Variants in CCDC92 observed in about 807,000 individuals in gnomAD.
CCDC92 encodes the protein coiled-coil domain-containing protein 92.
A neutral mutation model predicts 24.9 loss-of-function variants in CCDC92; 12 were observed. The ratio of observed to expected loss-of-function variants is 0.48; its 90% CI spans 0.31 to 0.78. The LOEUF is 0.78. CCDC92 is among the 30% of genes least tolerant of loss of function. The probability of loss-of-function intolerance (pLI) is 0.05; values close to 1 mark genes in which losing one functional copy is unlikely to be tolerated. For synonymous variants in CCDC92, 193 were observed against 196.3 expected (o/e 0.98, Z 0.14); for missense variants, 399 against 439.4 (o/e 0.91, Z 0.82).
At chr12:123,969,349 GGATAT>G (rs1956466770) in intron 1 of CCDC92, among the ~76,000 whole-genome samples, 1 of 151,882 alleles carries the variant, frequency 6.6e-6, no homozygotes, top group Non-Finnish European at 1.5e-5. Flanking sequence ...TAATGTAGGT[GGATAT>G]GACTGGACTT....
intron 1 of CCDC92, among the ~76,000 whole-genome samples, chr12:123,969,559 C>A (rs1047372881): frequency 6.8e-5 from 10 of 146,304 alleles, no homozygotes; most frequent in Non-Finnish European, 5.9e-5. Context: ...ACCTCTGCCT[C>A]CTGGGTTCAA....
At chr12:123,951,150 A>G (rs2138035906) in intron 1 of CCDC92, among the ~76,000 whole-genome samples, 1 of 152,296 alleles carries the variant, frequency 6.6e-6, no homozygotes, top group East Asian at 1.9e-4. Context: ...CTCACGCATT[A>G]CATACGTGCT....
intron 4 of CCDC92, among the ~76,000 whole-genome samples, chr12:123,940,731 C>T (rs553538392): frequency 1.3e-5 from 2 of 152,336 alleles, no homozygotes; most frequent in South Asian, 4.1e-4. Flanking sequence ...CCTGCCCGAG[C>T]GTCAGGGCAC....
chr12:123,941,212 C>T (rs1955673772), intron 4 of CCDC92, among the ~76,000 whole-genome samples: 2 of 152,220 alleles, frequency 1.3e-5, no homozygotes, highest in Admixed American at 6.5e-5. Context: ...CTGGAGGTCC[C>T]TAGTGTCAGG....
chr12:123,967,218 G>A lies in CCDC92; in HGVS notation c.-60+5311C>T, dbSNP rs953577516. On this transcript the variant is annotated intron_variant, in intron 1 of 4. Coordinates refer to ENST00000238156, the MANE Select transcript of CCDC92 (RefSeq NM_025140.3). ...GCAAGTACCTTAATGCCAGAAAGCT[G>A]CTGCTCTATTCTACTAGAACGTTCT... is the stretch of plus-strand genomic sequence containing the variant. Among the ~76,000 whole-genome samples, 7 of 151,558 alleles carry A rather than the reference G, an allele frequency of 4.6e-5. No homozygotes were observed. The South Asian group carries it at 1.5e-3, about 32-fold the overall frequency.
At chr12:123,955,638 G>A (rs2138086731) in intron 1 of CCDC92, among the ~76,000 whole-genome samples, 1 of 152,220 alleles carries the variant, frequency 6.6e-6, no homozygotes. Flanking sequence ...AGTAATTGAA[G>A]CTCTATACAC....
intron 1 of CCDC92, among the ~76,000 whole-genome samples, chr12:123,948,458 C>G (rs1312538081): frequency 6.6e-6 from 1 of 152,224 alleles, no homozygotes; most frequent in Non-Finnish European, 1.5e-5. Context: ...GTCCTTAAAG[C>G]GTCCCATTAT....
At chr12:123,964,931 G>A (rs982967204) in intron 1 of CCDC92, among the ~76,000 whole-genome samples, 1 of 152,096 alleles carries the variant, frequency 6.6e-6, no homozygotes, top group Non-Finnish European at 1.5e-5. Flanking sequence ...TGTACCAGCA[G>A]AATAGTGAGG....
chr12:123,957,153 C>T (rs1956166719), intron 1 of CCDC92, among the ~76,000 whole-genome samples: 1 of 152,210 alleles, frequency 6.6e-6, no homozygotes, highest in Admixed American at 6.5e-5. Context: ...TACAAATAAG[C>T]ACCCGATGTA....
rs375441686 is a variant in CCDC92, at chr12:123,937,259, G to C, written c.795C>G (p.Ile265Met). Residue 265 changes from isoleucine (I) to methionine (M), a missense_variant, in exon 5 of 5, where the codon ATC (isoleucine) becomes ATG (methionine). Coordinates refer to ENST00000238156, the MANE Select transcript of CCDC92 (RefSeq NM_025140.3). The surrounding 1 kb of genome is among the most constrained non-coding windows in gnomAD (Gnocchi z 8.4). ...VHLIKERPLV[I>M]PPIASDRSGE... Reference sequence around the variant, plus strand: ...CGCTTCGGTCGGAGGCGATGGGGGGGATGACGAGGGGCCTCTCTTTGATGA... The same window carrying C: ...CGCTTCGGTCGGAGGCGATGGGGGGCATGACGAGGGGCCTCTCTTTGATGA... The C allele has an allele frequency of 1.2e-6, 2 of 1,611,660 alleles. No individual in the cohort carries two copies. Among genetic ancestry groups the C allele is most frequent in the Admixed American group, 1.7e-5 (1 of 60,024 alleles).
chr12:123,953,700 C>A (rs1246277209), intron 1 of CCDC92, among the ~76,000 whole-genome samples: 1 of 152,238 alleles, frequency 6.6e-6, no homozygotes, highest in Non-Finnish European at 1.5e-5. Flanking sequence ...CTTGCTTGAA[C>A]CTGAGAGGAG....
chr12:123,955,891 T>TAAAGAGACGTTATCCTTGTG (rs1566168379), intron 1 of CCDC92, among the ~76,000 whole-genome samples: 1 of 152,216 alleles, frequency 6.6e-6, no homozygotes, highest in Admixed American at 6.5e-5. Context: ...CTGCCACTTA[T>TAAAGAGACGTTATCCTTGTG]AAAGAGACGT....
intron 1 of CCDC92, among the ~76,000 whole-genome samples, chr12:123,967,641 G>C (rs980606465): frequency 3.3e-5 from 5 of 152,236 alleles, no homozygotes; most frequent in African/African-American, 1.2e-4. Flanking sequence ...ATGTATGACA[G>C]AGATGGAACT....
chr12:123,970,125 T>C (rs921873813), intron 1 of CCDC92: 9 of 152,180 alleles, frequency 5.9e-5, no homozygotes, highest in African/African-American at 2.2e-4. Context: ...TCTGCGGATG[T>C]TGCTACGTCC....
intron 1 of CCDC92, chr12:123,968,175 A>C (rs1956437444): frequency 6.6e-6 from 1 of 152,256 alleles, no homozygotes; most frequent in African/African-American, 2.4e-5. Context: ...AGAATTTCAG[A>C]AACAAGGAGA....
In CCDC92 at chr12:123,935,672, T is replaced by C. The variant is rs1436912859; in HGVS notation, c.*1386A>G. On this transcript the variant is annotated 3_prime_UTR_variant, in exon 5 of 5. Coordinates refer to ENST00000238156, the MANE Select transcript of CCDC92 (RefSeq NM_025140.3). ...ATGGTTTTGTTTTTAATACTACTTT[T>C]TAAAAGGAATTTATATAATCAAAAA... is the stretch of plus-strand genomic sequence containing the variant. The C allele has an allele frequency of 2.0e-6, 1 of 505,154 alleles. No individual in the cohort carries two copies. Among genetic ancestry groups the C allele is most frequent in the East Asian group, 3.0e-5 (1 of 33,442 alleles). The allele number at this position is 505,154 out of a possible 1,614,324, so 31.3% of individuals were successfully genotyped here. A position where few individuals can be genotyped will look rare whatever the true frequency, so the allele number is the denominator to read the frequency against.
chr12:123,958,393 G>A (rs914036562), intron 1 of CCDC92, among the ~76,000 whole-genome samples: 3 of 152,224 alleles, frequency 2.0e-5, no homozygotes, highest in African/African-American at 4.8e-5. Context: ...TCAGATGAGT[G>A]AAGACACTTA....
intron 1 of CCDC92, chr12:123,969,883 T>G (rs1274650825): frequency 6.6e-6 from 1 of 152,178 alleles, no homozygotes; most frequent in Non-Finnish European, 1.5e-5. Context: ...CTGCTTGCCT[T>G]CCTAGAAAAG....
At chr12:123,942,140 T>C (rs1307741213) in intron 4 of CCDC92, among the ~76,000 whole-genome samples, 1 of 152,228 alleles carries the variant, frequency 6.6e-6, no homozygotes, top group African/African-American at 2.4e-5. Flanking sequence ...CAGAGGGCCC[T>C]GGGAAGGCCT....
Sources: allele counts gnomAD v4.1 joint callset (sites outside exome capture counted in the v4.1 genomes callset), GRCh38; gene constraint gnomAD v4.1.1; non-coding constraint Gnocchi (gnomAD v3.1); transcripts MANE v1.5; gene names NCBI Gene and HGNC (gene_info 2026-07-23, HGNC 2026-07-21).